Variants in CIB4 observed in about 807,000 individuals in gnomAD.
CIB4 encodes the protein calcium and integrin-binding family member 4.
Under a neutral mutation model 25.8 loss-of-function variants are expected in CIB4, and 25 were observed. The ratio of observed to expected loss-of-function variants is 0.97; its 90% CI spans 0.71 to 1.35. The LOEUF is 1.35. Among genes scored for constraint, CIB4 ranks in the 40% most tolerant of loss-of-function variants. The pLI, the probability that CIB4 is intolerant of heterozygous loss-of-function variation, is 0.00. For synonymous variants in CIB4, 75 were observed against 81.4 expected (o/e 0.92, Z 0.42); for missense variants, 235 against 228.2 (o/e 1.03, Z -0.19).
At chr2:26,641,176 G>A in intron 1 of CIB4, 85 bp downstream of exon 1, 2 of 1,162,608 alleles carry the variant, frequency 1.7e-6, no homozygotes, top group East Asian at 2.3e-5. Context: ...CCCTGCTAGA[G>A]CGTCAGGAAG....
intron 1 of CIB4, 37 bp from the exon 2 acceptor site, chr2:26,640,604 AT>A (rs1669617458): frequency 6.2e-7 from 1 of 1,601,852 alleles, no homozygotes; most frequent in African/African-American, 1.4e-5. Context: ...TGTCCACTCC[AT>A]TCATCCCTGC....
intron 2 of CIB4, among the ~76,000 whole-genome samples, chr2:26,632,094 G>C (rs926964455): frequency 6.6e-6 from 1 of 152,178 alleles, no homozygotes; most frequent in Non-Finnish European, 1.5e-5. Flanking sequence ...CTCTAGCTAC[G>C]AGACCCAAGG....
intron 4 of CIB4, among the ~76,000 whole-genome samples, chr2:26,586,045 T>G (rs1668446029): frequency 6.6e-6 from 1 of 152,134 alleles, no homozygotes; most frequent in Admixed American, 6.5e-5. Flanking sequence ...TCCCATGCAC[T>G]ACCCCACCCT....
Position 26,582,893 on chromosome 2 carries a change from C to G in CIB4, c.459G>C (p.Leu153=). ...LTNHVLSESD[L]DNDNMLSFSE... is the part of the protein sequence containing the mutation. ...AGAAGGACAGCATGTTGTCATTGTC[C>G]AGATCCGACTCACTCAGGACCTGGC... Residue 153 remains leucine, a synonymous_variant, in exon 6 of 7, where the codon CTG becomes CTC. Coordinates refer to ENST00000288861, the MANE Select transcript of CIB4 (RefSeq NM_001029881.3). 1 of 1,613,446 alleles carries G rather than the reference C, an allele frequency of 6.2e-7. No homozygotes were observed. Among genetic ancestry groups the G allele is most frequent in the Non-Finnish European group, 8.5e-7 (1 of 1,179,482 alleles).
intron 6 of CIB4, 112 bp from the exon 7 acceptor site, chr2:26,581,505 C>A: frequency 9.4e-7 from 1 of 1,068,948 alleles, no homozygotes. Context: ...TCTCGTGTCC[C>A]TTTCTCTGGG....
chr2:26,591,213 T>G (rs549077036), intron 4 of CIB4, among the ~76,000 whole-genome samples: 1 of 152,296 alleles, frequency 6.6e-6, no homozygotes, highest in South Asian at 2.1e-4. Flanking sequence ...CTCTGCTTCT[T>G]TTTGGCTGCA....
At chr2:26,589,077 CTTCTTCT>C (rs1668525490) in intron 4 of CIB4, among the ~76,000 whole-genome samples, 1 of 64,336 alleles carries the variant, frequency 1.6e-5, no homozygotes, top group African/African-American at 8.7e-5. Flanking sequence ...TCTTCCTCTT[CTTCTTCT>C]TCTTCTTCTT....
At chr2:26,592,546 A>T (rs554559928) in intron 4 of CIB4, among the ~76,000 whole-genome samples, 18 of 152,202 alleles carry the variant, frequency 1.2e-4, no homozygotes, top group African/African-American at 3.4e-4. Flanking sequence ...TCTTTTCTGC[A>T]CCGGTCACTC....
Position 26,601,217 on chromosome 2 carries a change from C to CAAAAAAAA in CIB4, c.187-5908_187-5901dup, listed in dbSNP as rs142951418. On this transcript the variant is annotated intron_variant, in intron 3 of 6. Transcript: ENST00000288861. ...CCTGAGTGACAGAGTGAGACCATGT[C>CAAAAAAAA]AAAAAAAAAAAAAAATATATATATA... 2.3e-3 allele frequency among the ~76,000 whole-genome samples: 54 copies of CAAAAAAAA among 23,678 alleles called. 1 individual carries two copies. Among genetic ancestry groups the CAAAAAAAA allele is most frequent in the African/African-American group, 8.6e-3 (48 of 5,572 alleles). The allele number at this position is 23,678 out of a possible 152,430, so 15.5% of individuals were successfully genotyped here. A position where few individuals can be genotyped will look rare whatever the true frequency, so the allele number is the denominator to read the frequency against.
intron 2 of CIB4, among the ~76,000 whole-genome samples, chr2:26,638,854 A>G (rs892286144): frequency 6.6e-6 from 1 of 152,064 alleles, no homozygotes; most frequent in African/African-American, 2.4e-5. Context: ...CAGGAGGCTG[A>G]GGCAAGAGAA....
intron 3 of CIB4, among the ~76,000 whole-genome samples, chr2:26,617,244 C>T (rs138663914): frequency 3.5e-4 from 53 of 152,126 alleles, no homozygotes; most frequent in African/African-American, 1.2e-3. Context: ...AATGAGCATT[C>T]AGCCAGCCCC....
chr2:26,632,247 A>T lies in CIB4; in HGVS notation c.90-2741T>A, dbSNP rs149366861. Among the ~76,000 whole-genome samples, 319 of 152,256 alleles carry T rather than the reference A, an allele frequency of 2.1e-3. 1 individual carries two copies. Among genetic ancestry groups the T allele is most frequent in the African/African-American group, 7.2e-3 (298 of 41,560 alleles). On this transcript the variant is annotated intron_variant, in intron 2 of 6. Transcript: ENST00000288861. ...GGAGCTGGAGTGGCGTGTGGTGTTC[A>T]TGGAGAGCACCATGACTGCCGCCTT...
At chr2:26,639,056 TG>T in intron 2 of CIB4, among the ~76,000 whole-genome samples, 1 of 151,768 alleles carries the variant, frequency 6.6e-6, no homozygotes, top group East Asian at 1.9e-4. Context: ...TGTTGGCTTA[TG>T]TATGGAAAAT....
chr2:26,639,532 T>C (rs1291818200), intron 2 of CIB4, among the ~76,000 whole-genome samples: 1 of 152,198 alleles, frequency 6.6e-6, no homozygotes, highest in African/African-American at 2.4e-5. Context: ...AAAATTTCAA[T>C]AGAGGTTATA....
chr2:26,594,898 C>G (rs1338656118), intron 4 of CIB4, among the ~76,000 whole-genome samples: 1 of 152,200 alleles, frequency 6.6e-6, no homozygotes, highest in Non-Finnish European at 1.5e-5. Flanking sequence ...GATTCTCTCT[C>G]TCTCTCGCCT....
At chr2:26,605,573 C>G in intron 3 of CIB4, 1 of 470,794 alleles carries the variant, frequency 2.1e-6, no homozygotes, top group Non-Finnish European at 4.4e-6. Context: ...AGGAGGAATT[C>G]CTAGTTCTGG....
At chr2:26,595,348 T>C (rs1475753619) in intron 3 of CIB4, 31 bp from the exon 4 acceptor site, 2 of 1,601,650 alleles carry the variant, frequency 1.2e-6, no homozygotes, top group Non-Finnish European at 1.7e-6. Context: ...AGGGAGGAGG[T>C]CTATCAGGGT....
chr2:26,614,139 G>A (rs563167345), intron 3 of CIB4, among the ~76,000 whole-genome samples: 3 of 152,288 alleles, frequency 2.0e-5, no homozygotes, highest in South Asian at 2.1e-4. Context: ...CTTCAGGAAC[G>A]ATATTGTTTA....
intron 3 of CIB4, among the ~76,000 whole-genome samples, chr2:26,620,179 C>G (rs1669177864): frequency 6.7e-6 from 1 of 148,196 alleles, no homozygotes; most frequent in South Asian, 2.1e-4. Context: ...ATCCCAGAAT[C>G]CCCTACAGAC....
Sources: gnomAD v4.1 joint callset for allele counts (sites outside exome capture counted in the v4.1 genomes callset) on GRCh38, gnomAD v4.1.1 for gene constraint, MANE v1.5 for transcripts, NCBI Gene and HGNC (gene_info 2026-07-23, HGNC 2026-07-21) for gene names.